Variants in KCTD16 observed in about 807,000 individuals in gnomAD.
The protein encoded by KCTD16 is potassium channel tetramerization domain containing 16.
A neutral mutation model predicts 33.2 loss-of-function variants in KCTD16; 13 were observed. The observed-to-expected ratio is 0.39, with a 90% CI of 0.25 to 0.62. The LOEUF is 0.62. Among genes scored for constraint, KCTD16 ranks in the 20% least tolerant of loss-of-function variants. KCTD16 has a pLI of 0.50. For missense variants in KCTD16, 441 were observed against 525.1 expected (o/e 0.84, Z 1.57); for synonymous variants, 197 against 195.3 (o/e 1.01, Z -0.07).
chr5:144,208,070 C>T (rs140848794), intron 3 of KCTD16, among the ~76,000 whole-genome samples: 3 of 152,262 alleles, frequency 2.0e-5, no homozygotes, highest in South Asian at 2.1e-4. Context: ...CTGAAAGGCC[C>T]CCTGCTCCCC....
Position 144,475,744 on chromosome 5 carries a change from A to G in KCTD16, c.*1630A>G, listed in dbSNP as rs1054952897. ...TATCTGTAGGAGGAAAACAATGACTAATTTCTTCCTTTTGAAATCTTTCAT... is the reference window on the plus strand; with the variant it reads ...TATCTGTAGGAGGAAAACAATGACTGATTTCTTCCTTTTGAAATCTTTCAT... On this transcript the variant is annotated 3_prime_UTR_variant, in exon 4 of 4. Coordinates refer to ENST00000512467, the MANE Select transcript of KCTD16 (RefSeq NM_020768.4). 56 of 152,758 alleles carry G rather than the reference A, an allele frequency of 3.7e-4. No homozygotes were observed. Among genetic ancestry groups the G allele is most frequent in the African/African-American group, 1.2e-3 (51 of 41,576 alleles). 9.5% of individuals were successfully genotyped at this position (152,758 alleles called of 1,614,324 possible). A position where few individuals can be genotyped will look rare whatever the true frequency, so the allele number is the denominator to read the frequency against.
At chr5:144,362,559 C>A (rs1194672219) in intron 3 of KCTD16, among the ~76,000 whole-genome samples, 2 of 152,050 alleles carry the variant, frequency 1.3e-5, no homozygotes, top group African/African-American at 4.8e-5. Flanking sequence ...ACGATCACTA[C>A]CTTGAGGTTC....
At chr5:144,302,684 T>C (rs1751474932) in intron 3 of KCTD16, among the ~76,000 whole-genome samples, 1 of 152,234 alleles carries the variant, frequency 6.6e-6, no homozygotes, top group South Asian at 2.1e-4. Flanking sequence ...AACTTAACTG[T>C]AAAACACCCT....
chr5:144,198,271 C>A (rs1216932643), intron 2 of KCTD16, among the ~76,000 whole-genome samples: 2 of 152,168 alleles, frequency 1.3e-5, no homozygotes, highest in African/African-American at 4.8e-5. Context: ...ATTAAACAAA[C>A]ATTAATTGAG....
At chr5:144,311,340 T>C (rs1460834152) in intron 3 of KCTD16, among the ~76,000 whole-genome samples, 2 of 152,168 alleles carry the variant, frequency 1.3e-5, no homozygotes. Context: ...TTGTGAAGAT[T>C]ATGTGAGTCA....
intron 3 of KCTD16, among the ~76,000 whole-genome samples, chr5:144,468,177 C>G (rs1421580936): frequency 5.9e-5 from 9 of 152,226 alleles, no homozygotes; most frequent in Non-Finnish European, 1.2e-4. Flanking sequence ...ACAATGCCTC[C>G]TCTAAGCTTT....
At position 144,473,304 on chromosome 5, in the gene KCTD16, A is replaced by T. The variant is rs531461276; in HGVS notation, c.833-356A>T. On this transcript the variant is annotated intron_variant, in intron 3 of 3. Transcript: ENST00000512467. ...CTTCCTATAACTCCAGATAGTAGGA[A>T]AATTATTACCCTTATACCACAGATG... Among the ~76,000 whole-genome samples, 222 of 152,296 alleles carry T rather than the reference A, an allele frequency of 1.5e-3. No homozygotes were observed. In the Middle Eastern group the frequency reaches 0.017, roughly 12 times the overall value.
intron 3 of KCTD16, among the ~76,000 whole-genome samples, chr5:144,412,088 G>T (rs901253499): frequency 6.6e-6 from 1 of 152,166 alleles, no homozygotes; most frequent in Non-Finnish European, 1.5e-5. Flanking sequence ...ATGTAAATTA[G>T]TACAGCCACT....
chr5:144,386,841 C>G (rs1752334611), intron 3 of KCTD16, among the ~76,000 whole-genome samples: 1 of 152,238 alleles, frequency 6.6e-6, no homozygotes, highest in Non-Finnish European at 1.5e-5. Flanking sequence ...CAGGCTCCAT[C>G]AGTCTGAATG....
At chr5:144,251,056 G>A (rs1478035001) in intron 3 of KCTD16, among the ~76,000 whole-genome samples, 1 of 152,188 alleles carries the variant, frequency 6.6e-6, no homozygotes, top group Non-Finnish European at 1.5e-5. Flanking sequence ...AAGAGAGAAA[G>A]TTCAGGATGT....
intron 3 of KCTD16, among the ~76,000 whole-genome samples, chr5:144,279,467 G>T (rs1755541672): frequency 1.3e-5 from 2 of 152,186 alleles, no homozygotes; most frequent in Admixed American, 1.3e-4. Context: ...GGTTAAGAAA[G>T]ATGTTTTAGT....
intron 3 of KCTD16, among the ~76,000 whole-genome samples, chr5:144,214,329 GCATC>G (rs1753494595): frequency 6.6e-6 from 1 of 151,786 alleles, no homozygotes; most frequent in African/African-American, 2.4e-5. Context: ...TCCCCCTCCC[GCATC>G]CAGTATTTTC....
At chr5:144,417,295 ATATT>A (rs1211232543) in intron 3 of KCTD16, among the ~76,000 whole-genome samples, 1 of 152,048 alleles carries the variant, frequency 6.6e-6, no homozygotes, top group Non-Finnish European at 1.5e-5. Flanking sequence ...TTTTAAAAAT[ATATT>A]ATTATACTTA....
At chr5:144,182,394 T>C (rs1292861882) in intron 2 of KCTD16, among the ~76,000 whole-genome samples, 2 of 152,128 alleles carry the variant, frequency 1.3e-5, no homozygotes, top group Non-Finnish European at 1.5e-5. Flanking sequence ...CTAAAACATA[T>C]GTGGAATCTA....
chr5:144,255,814 A>G (rs1281996352), intron 3 of KCTD16, among the ~76,000 whole-genome samples: 1 of 152,218 alleles, frequency 6.6e-6, no homozygotes, highest in Non-Finnish European at 1.5e-5. Context: ...AAAAGAAGAA[A>G]TCCTAACATA....
At chr5:144,239,277 A>G (rs1442815635) in intron 3 of KCTD16, among the ~76,000 whole-genome samples, 2 of 152,144 alleles carry the variant, frequency 1.3e-5, no homozygotes, top group African/African-American at 4.8e-5. Flanking sequence ...TGTAGCCATG[A>G]TATCTTTCTT....
intron 2 of KCTD16, among the ~76,000 whole-genome samples, chr5:144,189,495 C>CA (rs5871868): frequency 0.018 from 2,217 of 120,418 alleles, 16 homozygotes; most frequent in African/African-American, 0.03. Context: ...GACTCCATCT[C>CA]AAAAAAAAAA....
chr5:144,212,531 T>A (rs1033381512), intron 3 of KCTD16, among the ~76,000 whole-genome samples: 4 of 152,156 alleles, frequency 2.6e-5, no homozygotes, highest in African/African-American at 9.7e-5. Flanking sequence ...AATGAGGTTG[T>A]ATCTAATCAA....
At chr5:144,381,400 C>A (rs761191950) in intron 3 of KCTD16, among the ~76,000 whole-genome samples, 31 of 152,136 alleles carry the variant, frequency 2.0e-4, no homozygotes, top group Non-Finnish European at 3.8e-4. Flanking sequence ...GCTGTTCTTG[C>A]ATTGCTATAA....
Sources: allele counts gnomAD v4.1 joint callset (sites outside exome capture counted in the v4.1 genomes callset), GRCh38; gene constraint gnomAD v4.1.1; transcripts MANE v1.5; gene names NCBI Gene and HGNC (gene_info 2026-07-23, HGNC 2026-07-21).